DYNC2H1: variants seen among roughly 807,000 people sequenced by gnomAD.
DYNC2H1 encodes the protein dynein cytoplasmic 2 heavy chain 1.
In DYNC2H1, 410 loss-of-function variants were observed where a neutral mutation model predicts 570.0. The ratio of observed to expected loss-of-function variants is 0.72; its 90% confidence interval spans 0.66 to 0.78. The LOEUF is 0.78. DYNC2H1 is among the 30% of genes least tolerant of loss of function. DYNC2H1 has a pLI of 0.00. For missense variants in DYNC2H1, 4,865 were observed against 5,046.4 expected, an observed-to-expected ratio of 0.96 and a Z score of 1.09; for synonymous variants, 1,688 against 1,677.6, an observed-to-expected ratio of 1.01 and a Z score of -0.15.
rs1865122200 is a variant in DYNC2H1, at chr11:103,257,768, C to T, written c.10605+17C>T. On this transcript the variant is annotated intron_variant, in intron 69 of 88. Coordinates refer to ENST00000375735, the MANE Select transcript of DYNC2H1 (RefSeq NM_001377.3). ...AACAAACAGGTAAGCTGTTGGATACCCTGTACCAGAGACTGAATTACAGGG... is the reference window on the plus strand; with the variant it reads ...AACAAACAGGTAAGCTGTTGGATACTCTGTACCAGAGACTGAATTACAGGG... 5 of 1,549,050 alleles carry T rather than the reference C, an allele frequency of 3.2e-6. No individual in the cohort carries two copies. The African/African-American group carries it at 4.1e-5, about 13-fold the overall frequency.
At chr11:103,126,306 A>C (rs1450225376) in intron 12 of DYNC2H1, among the ~76,000 whole-genome samples, 2 of 152,114 alleles carry the variant, frequency 1.3e-5, no homozygotes, top group Middle Eastern at 3.2e-3. Flanking sequence ...TTTTATTGGC[A>C]TTCCTGTCCT....
chr11:103,154,674 T>C, intron 23 of DYNC2H1, 21 bp from the exon 24 acceptor site: 1 of 1,565,740 alleles, frequency 6.4e-7, no homozygotes, highest in South Asian at 1.2e-5. Context: ...ATCTTTGCAA[T>C]GTGTTTTTGG....
intron 82 of DYNC2H1, among the ~76,000 whole-genome samples, chr11:103,348,601 A>T (rs1458494304): frequency 6.6e-6 from 1 of 152,180 alleles, no homozygotes; most frequent in Non-Finnish European, 1.5e-5. Flanking sequence ...AATTATCATA[A>T]GATTCATCTG....
At chr11:103,246,955 A>G (rs1864640480) in intron 65 of DYNC2H1, among the ~76,000 whole-genome samples, 1 of 152,016 alleles carries the variant, frequency 6.6e-6, no homozygotes, top group African/African-American at 2.4e-5. Context: ...ATCGTAGAAA[A>G]GCAAGGTATA....
In DYNC2H1 at chr11:103,456,360, C is replaced by G; in HGVS notation, c.12648+4C>G. On this transcript the variant is annotated splice_donor_region_variant and intron_variant, in intron 87 of 88. Coordinates refer to ENST00000375735, the MANE Select transcript of DYNC2H1 (RefSeq NM_001377.3). ...AGAAGCAAAGCTACAAATTAAGGTA[C>G]TAGACTAATTTTAGATCTTGGAATC... 1 of 1,586,920 alleles carries G rather than the reference C, an allele frequency of 6.3e-7. No homozygotes were observed. The highest frequency in any genetic ancestry group is 1.2e-5 in the South Asian group (1 of 86,708).
At chr11:103,343,194 C>G (rs374955415) in intron 82 of DYNC2H1, among the ~76,000 whole-genome samples, 1 of 152,098 alleles carries the variant, frequency 6.6e-6, no homozygotes, top group Admixed American at 6.5e-5. Flanking sequence ...TCTGAGGTCC[C>G]GACAAAAGTT....
chr11:103,143,273 G>A lies in DYNC2H1; in HGVS notation c.2580G>A (p.Trp860Ter). The A allele has an allele frequency of 6.2e-6, 10 of 1,613,014 alleles. No individual in the cohort carries two copies. The highest frequency in any genetic ancestry group is 7.6e-6 in the Non-Finnish European group (9 of 1,179,424). ...LSAVLHQHKE[W>*]IVIGQVDMEA... is the part of the protein sequence containing the mutation. ...TTTTTTCTTTCTTTAAATAGGAATG[G>A]ATTGTAATTGGGCAAGTTGATATGG... Residue 860 changes from tryptophan to a stop codon, truncating the protein, a stop_gained, in exon 18 of 89, where the codon TGG becomes TGA. Coordinates refer to ENST00000375735, the MANE Select transcript of DYNC2H1 (RefSeq NM_001377.3). LOFTEE classifies it high-confidence loss of function.
At chr11:103,370,723 G>A (rs1348097261) in intron 83 of DYNC2H1, among the ~76,000 whole-genome samples, 5 of 152,274 alleles carry the variant, frequency 3.3e-5, no homozygotes, top group Middle Eastern at 3.4e-3. Flanking sequence ...AGACCATCAA[G>A]GTGGCACCTC....
At chr11:103,460,055 T>C (rs1944959474) in intron 87 of DYNC2H1, among the ~76,000 whole-genome samples, 1 of 152,022 alleles carries the variant, frequency 6.6e-6, no homozygotes, top group Non-Finnish European at 1.5e-5. Flanking sequence ...GGTTTTGCTA[T>C]GTGGCCCAGG....
chr11:103,320,974 G>C, intron 80 of DYNC2H1, 55 bp from the exon 81 acceptor site: 1 of 1,353,064 alleles, frequency 7.4e-7, no homozygotes, highest in Non-Finnish European at 1.0e-6. Flanking sequence ...CTCAAGGCAG[G>C]AATTTAGTTA....
At chr11:103,298,475 A>T (rs548508489) in intron 75 of DYNC2H1, among the ~76,000 whole-genome samples, 1 of 152,252 alleles carries the variant, frequency 6.6e-6, no homozygotes, top group South Asian at 2.1e-4. Flanking sequence ...AGGTCAAATG[A>T]CATTCAAGGT....
intron 43 of DYNC2H1, 77 bp downstream of exon 43, chr11:103,187,663 A>G (rs182333705): frequency 1.3e-6 from 2 of 1,527,992 alleles, no homozygotes; most frequent in Non-Finnish European, 1.8e-6. Context: ...GAAAATATTC[A>G]TTCTTCATTT....
chr11:103,142,604 G>A (rs1003156762), intron 17 of DYNC2H1, among the ~76,000 whole-genome samples: 2 of 152,150 alleles, frequency 1.3e-5, no homozygotes, highest in Non-Finnish European at 2.9e-5. Context: ...GGGAGATGGA[G>A]GTTTCAGTGA....
chr11:103,288,683 C>CT (rs1866448956), intron 75 of DYNC2H1, among the ~76,000 whole-genome samples: 2 of 20,316 alleles, frequency 9.8e-5, no homozygotes, highest in African/African-American at 1.6e-4. Flanking sequence ...CCCGTCTCTA[C>CT]TAAAAAAAAA....
At chr11:103,359,855 C>T (rs113018897) in intron 83 of DYNC2H1, among the ~76,000 whole-genome samples, 5,364 of 151,698 alleles carry the variant, frequency 0.035, 310 homozygotes, top group African/African-American at 0.12. Flanking sequence ...AGTAGAGATG[C>T]GTTTTTACCA....
chr11:103,208,298 G>T (rs1470627198), intron 52 of DYNC2H1, among the ~76,000 whole-genome samples: 1 of 152,166 alleles, frequency 6.6e-6, no homozygotes, highest in Non-Finnish European at 1.5e-5. Context: ...TGAGCCAAGA[G>T]CTAAAATTAT....
intron 82 of DYNC2H1, among the ~76,000 whole-genome samples, chr11:103,356,023 T>C (rs966022484): frequency 6.6e-5 from 10 of 152,300 alleles, no homozygotes; most frequent in Non-Finnish European, 8.8e-5. Flanking sequence ...TTGCAATTCT[T>C]ATAGATCTCC....
At position 103,154,632 on chromosome 11, in the gene DYNC2H1, C is replaced by G. The variant is rs79080694; in HGVS notation, c.3458+26C>G. The G allele has an allele frequency of 9.4e-4, 1,483 of 1,580,584 alleles. 10 individuals are homozygous for G. The African/African-American group carries it at 0.018, about 19-fold the overall frequency. On this transcript the variant is annotated intron_variant, in intron 23 of 88. Coordinates refer to ENST00000375735, the MANE Select transcript of DYNC2H1 (RefSeq NM_001377.3). Reference sequence around the variant, plus strand: ...GTTTGATTCAAAAACAATATTTAGACTAATAATTTGGTTGTTTTATTTTTG... The same window carrying G: ...GTTTGATTCAAAAACAATATTTAGAGTAATAATTTGGTTGTTTTATTTTTG...
rs543391338 is a variant in DYNC2H1 at position 103,121,805 on chromosome 11, G to A, written c.1485+309G>A. ...GAAAAATTATTGTTTACAAAAATGA[G>A]CTGGACATGGTGCTGCACATCTGTA... is the stretch of plus-strand genomic sequence containing the variant. On this transcript the variant is annotated intron_variant, in intron 10 of 88. Coordinates refer to ENST00000375735, the MANE Select transcript of DYNC2H1 (RefSeq NM_001377.3). Among the ~76,000 whole-genome samples, 3 of 152,230 alleles carry A rather than the reference G, an allele frequency of 2.0e-5. No homozygotes were observed. The South Asian group carries it at 6.2e-4, about 32-fold the overall frequency.
Sources: allele counts gnomAD v4.1 joint callset (sites outside exome capture counted in the v4.1 genomes callset), GRCh38; gene constraint gnomAD v4.1.1; transcripts MANE v1.5; gene names NCBI Gene and HGNC (gene_info 2026-07-23, HGNC 2026-07-21).